The following GRIA1 variants were observed in gnomAD, a reference collection of about 807,000 sequenced individuals.
GRIA1 encodes glutamate receptor 1.
GRIA1 carries 31 observed loss-of-function variants against 99.2 expected under a neutral mutation model. The ratio of observed to expected loss-of-function variants is 0.31; its 90% CI spans 0.23 to 0.42. The LOEUF is 0.42. Among genes scored for constraint, GRIA1 ranks in the 10% least tolerant of loss-of-function variants. GRIA1 has a pLI of 1.00. For synonymous variants in GRIA1, 438 were observed against 432.4 expected, an observed-to-expected ratio of 1.01 and a Z score of -0.16; for missense variants, 782 against 1,157.5, an observed-to-expected ratio of 0.68 and a Z score of 4.71.
chr5:153,571,262 C>A (rs1412358997), intron 2 of GRIA1, among the ~76,000 whole-genome samples: 2 of 152,124 alleles, frequency 1.3e-5, no homozygotes, highest in African/African-American at 2.4e-5. Context: ...TCACTAATTA[C>A]ACAGTACATT....
intron 11 of GRIA1, among the ~76,000 whole-genome samples, chr5:153,726,696 T>A (rs1344863108): frequency 6.6e-6 from 1 of 152,216 alleles, no homozygotes; most frequent in African/African-American, 2.4e-5. Flanking sequence ...CAGCAAGAAG[T>A]TGAATATCTG....
chr5:153,490,804 C>A lies in GRIA1; in HGVS notation c.-85C>A. 1.0e-6 allele frequency: 1 copy of A among 975,844 alleles called. No individual in the cohort carries two copies. Among genetic ancestry groups the A allele is most frequent in the Non-Finnish European group, 1.7e-6 (1 of 597,770 alleles). 60.4% of individuals were successfully genotyped at this position (975,844 alleles called of 1,614,324 possible). A position where few individuals can be genotyped will look rare whatever the true frequency, so the allele number is the denominator to read the frequency against. ...TGCAGGAGGAAAAGAACAGGCAGAA[C>A]AGCGAGAAGAATAAAGGGAAAGGGG... On this transcript the variant is annotated 5_prime_UTR_variant, in exon 1 of 16. Transcript: ENST00000285900.
At position 153,518,916 on chromosome 5, in the gene GRIA1, A is replaced by G. The variant is rs919982518; in HGVS notation, c.220+24851A>G. ...CTGAAGCACTAGATCAGTGATTCTCAAAAGATGACCGTCCTGGACTGGTAG... is the reference window on the plus strand; with the variant it reads ...CTGAAGCACTAGATCAGTGATTCTCGAAAGATGACCGTCCTGGACTGGTAG... On this transcript the variant is annotated intron_variant, in intron 2 of 15. Coordinates refer to ENST00000285900, the MANE Select transcript of GRIA1 (RefSeq NM_000827.4). 7.9e-5 allele frequency among the ~76,000 whole-genome samples: 12 copies of G among 152,272 alleles called. 1 individual carries two copies. In the East Asian group the frequency reaches 2.1e-3, roughly 27 times the overall value.
intron 11 of GRIA1, among the ~76,000 whole-genome samples, chr5:153,725,865 G>A (rs1581545558): frequency 7.4e-6 from 1 of 135,150 alleles, no homozygotes; most frequent in Non-Finnish European, 1.6e-5. Flanking sequence ...CCCAGGAATT[G>A]AACTCAGCTC....
chr5:153,543,566 G>T (rs981008080), intron 2 of GRIA1, among the ~76,000 whole-genome samples: 1 of 152,116 alleles, frequency 6.6e-6, no homozygotes, highest in Non-Finnish European at 1.5e-5. Context: ...TCAACTGTTG[G>T]TTACTTGAAT....
At chr5:153,789,318 C>CATATATAT (rs70978507) in intron 13 of GRIA1, among the ~76,000 whole-genome samples, 23 of 147,534 alleles carry the variant, frequency 1.6e-4, no homozygotes, top group East Asian at 2.0e-4. Flanking sequence ...TTTGATATTA[C>CATATATAT]ATATATATAT....
chr5:153,663,063 C>T (rs1755488131), intron 5 of GRIA1, among the ~76,000 whole-genome samples: 1 of 152,148 alleles, frequency 6.6e-6, no homozygotes, highest in Admixed American at 6.5e-5. Context: ...GATAGAAAGA[C>T]AAACCCCAGA....
intron 2 of GRIA1, among the ~76,000 whole-genome samples, chr5:153,617,227 T>A (rs1359330209): frequency 6.6e-6 from 1 of 152,210 alleles, no homozygotes; most frequent in Non-Finnish European, 1.5e-5. Context: ...ATTAGTGAGT[T>A]CGTGATATCA....
chr5:153,495,916 C>CTGGGG (rs1754369925), intron 2 of GRIA1, among the ~76,000 whole-genome samples: 1 of 152,196 alleles, frequency 6.6e-6, no homozygotes, highest in Non-Finnish European at 1.5e-5. Flanking sequence ...AATTTATTTC[C>CTGGGG]TGGAGCAGGG....
intron 2 of GRIA1, among the ~76,000 whole-genome samples, chr5:153,569,017 G>T (rs377741343): frequency 6.6e-6 from 1 of 152,116 alleles, no homozygotes. Context: ...CTACCCAGTT[G>T]CCTACCCAGG....
intron 5 of GRIA1, among the ~76,000 whole-genome samples, chr5:153,669,345 A>G (rs1215911351): frequency 6.6e-6 from 1 of 152,216 alleles, no homozygotes; most frequent in Non-Finnish European, 1.5e-5. Flanking sequence ...GGGCATTTTT[A>G]GCCATTATTG....
At chr5:153,599,598 TTTA>T (rs542943358) in intron 2 of GRIA1, among the ~76,000 whole-genome samples, 184 of 152,308 alleles carry the variant, frequency 1.2e-3, no homozygotes, top group African/African-American at 4.2e-3. Flanking sequence ...GCTGCCACAC[TTTA>T]TTATTTTGAT....
At chr5:153,668,551 AT>A (rs1209600900) in intron 5 of GRIA1, among the ~76,000 whole-genome samples, 2 of 152,248 alleles carry the variant, frequency 1.3e-5, no homozygotes, top group Non-Finnish European at 2.9e-5. Flanking sequence ...TATTTTCTAT[AT>A]ATGGCTACTT....
At chr5:153,596,800 C>T (rs541353357) in intron 2 of GRIA1, among the ~76,000 whole-genome samples, 1 of 152,290 alleles carries the variant, frequency 6.6e-6, no homozygotes, top group African/African-American at 2.4e-5. Flanking sequence ...CTTCCTTTTC[C>T]AGGAAGAGGG....
At chr5:153,709,284 A>G (rs1759141473) in intron 11 of GRIA1, among the ~76,000 whole-genome samples, 2 of 152,328 alleles carry the variant, frequency 1.3e-5, no homozygotes, top group Non-Finnish European at 2.9e-5. Context: ...ATCCTTCCAA[A>G]TGAGCTTCAA....
At chr5:153,561,730 T>C (rs1761144517) in intron 2 of GRIA1, among the ~76,000 whole-genome samples, 2 of 152,206 alleles carry the variant, frequency 1.3e-5, no homozygotes, top group African/African-American at 4.8e-5. Flanking sequence ...AGAATTGTAT[T>C]ATTCTTACCA....
At position 153,591,153 on chromosome 5, in the gene GRIA1, T is replaced by C. The variant is rs537403589; in HGVS notation, c.221-55775T>C. Among the ~76,000 whole-genome samples the C allele has an allele frequency of 2.0e-5, 3 of 152,338 alleles. No homozygotes were observed. In the South Asian group the frequency reaches 6.2e-4, roughly 32 times the overall value. ...GTGGAGAAGTCAGCTAGATCATCCT[T>C]GTCTATCTATGCAGACTCCTTCCCA... On this transcript the variant is annotated intron_variant, in intron 2 of 15. Coordinates refer to ENST00000285900, the MANE Select transcript of GRIA1 (RefSeq NM_000827.4).
intron 10 of GRIA1, among the ~76,000 whole-genome samples, chr5:153,704,353 A>G (rs953929252): frequency 1.3e-5 from 2 of 152,208 alleles, no homozygotes; most frequent in African/African-American, 4.8e-5. Flanking sequence ...GCATCTCTCC[A>G]TGGAAATCCT....
At chr5:153,765,116 C>G (rs1207020615) in intron 12 of GRIA1, among the ~76,000 whole-genome samples, 1 of 151,384 alleles carries the variant, frequency 6.6e-6, no homozygotes, top group Admixed American at 6.6e-5. Context: ...TTAAATGGTG[C>G]CAGGAGAGAG....
Sources: gnomAD v4.1 joint callset for allele counts (sites outside exome capture counted in the v4.1 genomes callset) on GRCh38, gnomAD v4.1.1 for gene constraint, MANE v1.5 for transcripts, NCBI Gene and HGNC (gene_info 2026-07-23, HGNC 2026-07-21) for gene names.